The following MBD5 variants were observed in gnomAD, a reference collection of about 807,000 sequenced individuals.
MBD5 encodes methyl-CpG binding domain protein 5.
A neutral mutation model predicts 117.3 loss-of-function variants in MBD5; 13 were observed. The ratio of observed to expected loss-of-function variants is 0.11; its 90% CI spans 0.07 to 0.18. MBD5 has a LOEUF of 0.18. Ranked by LOEUF, MBD5 falls within the 10% of genes least tolerant of loss-of-function variation. The pLI is 1.00. For synonymous variants in MBD5, 727 were observed against 766.4 expected, an observed-to-expected ratio of 0.95 and a Z score of 0.85; for missense variants, 1,879 against 2,093.8, an observed-to-expected ratio of 0.90 and a Z score of 2.00.
intron 1 of MBD5, among the ~76,000 whole-genome samples, chr2:148,091,878 A>C (rs541535288): frequency 6.6e-6 from 1 of 152,212 alleles, no homozygotes; most frequent in African/African-American, 2.4e-5. Context: ...TAAACAGACA[A>C]CCCAAGAGTA....
At chr2:148,383,261 T>C (rs944011097) in intron 4 of MBD5, among the ~76,000 whole-genome samples, 4 of 151,920 alleles carry the variant, frequency 2.6e-5, no homozygotes, top group African/African-American at 9.7e-5. Flanking sequence ...AAATAAAAAA[T>C]GACAAAGGGG....
chr2:148,131,064 G>T lies in MBD5; in HGVS notation c.-924-47636G>T, dbSNP rs1558938499. Among the ~76,000 whole-genome samples the T allele has an allele frequency of 2.6e-5, 4 of 152,078 alleles. No homozygotes were observed. The South Asian group carries it at 8.3e-4, about 32-fold the overall frequency. On this transcript the variant is annotated intron_variant, in intron 1 of 13. Coordinates refer to ENST00000642680, the MANE Select transcript of MBD5 (RefSeq NM_001378120.1). ...ACAGGTTATTCAAAGGGACTTACTT[G>T]TTGCTGTTTTTATAAAGGGGAGTTA...
intron 2 of MBD5, among the ~76,000 whole-genome samples, chr2:148,226,032 A>G (rs1183231962): frequency 3.3e-5 from 5 of 152,136 alleles, no homozygotes; most frequent in African/African-American, 1.2e-4. Flanking sequence ...TCATTTGAGT[A>G]AACTTTCTGC....
chr2:148,290,938 C>T (rs551039876), intron 3 of MBD5, among the ~76,000 whole-genome samples: 2 of 152,146 alleles, frequency 1.3e-5, no homozygotes, highest in African/African-American at 2.4e-5. Flanking sequence ...CTGTCAGGCT[C>T]TTTTCCAAAA....
chr2:148,189,122 G>A lies in MBD5; in HGVS notation c.-831+10329G>A, dbSNP rs568309398. Among the ~76,000 whole-genome samples the A allele has an allele frequency of 1.1e-4, 16 of 145,206 alleles. No homozygotes were observed. In the South Asian group the frequency reaches 3.5e-3, roughly 32 times the overall value. On this transcript the variant is annotated intron_variant, in intron 2 of 13. Transcript: ENST00000642680. The stretch of plus-strand genomic sequence containing the variant: ...GAGGGTCCTACGCCCACGGAATCTC[G>A]CTGATTGCTAGCACAGCAGTCTGAG...
At chr2:148,497,762 G>A (rs975037442) in intron 11 of MBD5, among the ~76,000 whole-genome samples, 6 of 150,856 alleles carry the variant, frequency 4.0e-5, no homozygotes, top group South Asian at 2.1e-4. Flanking sequence ...TCCAGCCTGG[G>A]TGACAGAGTG....
chr2:148,100,499 G>T (rs1174375623), intron 1 of MBD5, among the ~76,000 whole-genome samples: 1 of 152,188 alleles, frequency 6.6e-6, no homozygotes, highest in Admixed American at 6.5e-5. Flanking sequence ...TTCAGACAGG[G>T]CACAGTAGGG....
chr2:148,401,860 T>G (rs10199719), intron 4 of MBD5, among the ~76,000 whole-genome samples: 79,625 of 151,878 alleles, frequency 0.52, 21,098 homozygotes, highest in East Asian at 0.75. Context: ...CTCCAATCTG[T>G]TAGAATTCTT....
chr2:148,345,332 T>TACACATATACATATACAC (rs1703065868), intron 4 of MBD5, among the ~76,000 whole-genome samples: 1 of 147,310 alleles, frequency 6.8e-6, no homozygotes, highest in African/African-American at 2.6e-5. Flanking sequence ...TATATATATG[T>TACACATATACATATACAC]ATATACACAT....
chr2:148,447,272 A>AAGGAAG (rs1559075827), intron 4 of MBD5, among the ~76,000 whole-genome samples: 3 of 147,630 alleles, frequency 2.0e-5, no homozygotes, highest in African/African-American at 7.8e-5. Context: ...AAGGAAGGAA[A>AAGGAAG]GAAAGTAGAG....
At chr2:148,270,294 T>C (rs1265949269) in intron 3 of MBD5, among the ~76,000 whole-genome samples, 1 of 152,144 alleles carries the variant, frequency 6.6e-6, no homozygotes, top group African/African-American at 2.4e-5. Context: ...CAAAGGTGAT[T>C]TTTCTGATAG....
chr2:148,303,231 A>C (rs1435628271), intron 3 of MBD5, among the ~76,000 whole-genome samples: 3 of 152,216 alleles, frequency 2.0e-5, no homozygotes, highest in Non-Finnish European at 4.4e-5. Context: ...GTTAATTAGT[A>C]TATTCAAGCC....
At chr2:148,202,592 T>G (rs749998065) in intron 2 of MBD5, among the ~76,000 whole-genome samples, 78 of 152,188 alleles carry the variant, frequency 5.1e-4, no homozygotes, top group Non-Finnish European at 2.9e-4. Flanking sequence ...AAAATTTAGG[T>G]TTAATTTTAA....
At chr2:148,093,014 T>C (rs571363375) in intron 1 of MBD5, among the ~76,000 whole-genome samples, 1 of 151,604 alleles carries the variant, frequency 6.6e-6, no homozygotes, top group Admixed American at 6.6e-5. Flanking sequence ...GCCTTGAGGG[T>C]TCAAGTGATT....
Position 148,085,917 on chromosome 2 carries a change from G to A in MBD5, c.-925+64233G>A, listed in dbSNP as rs1368578280. On this transcript the variant is annotated intron_variant, in intron 1 of 13. Coordinates refer to ENST00000642680, the MANE Select transcript of MBD5 (RefSeq NM_001378120.1). Reference sequence around the variant, plus strand: ...CTGTTTTATTTATAAGAAAATTTACGTAAATGTATACGTAGTTCACACAGC... The same window carrying A: ...CTGTTTTATTTATAAGAAAATTTACATAAATGTATACGTAGTTCACACAGC... 3.3e-5 allele frequency among the ~76,000 whole-genome samples: 5 copies of A among 152,002 alleles called. 1 individual carries two copies. The highest frequency in any genetic ancestry group is 4.2e-4 in the South Asian group (2 of 4,808).
chr2:148,451,609 A>G (rs1706730628), intron 4 of MBD5, among the ~76,000 whole-genome samples: 1 of 152,202 alleles, frequency 6.6e-6, no homozygotes, highest in Non-Finnish European at 1.5e-5. Context: ...ATCCAATAAA[A>G]TGATAATTAT....
intron 3 of MBD5, among the ~76,000 whole-genome samples, chr2:148,312,999 T>C (rs1247883679): frequency 6.6e-6 from 1 of 152,140 alleles, no homozygotes; most frequent in Non-Finnish European, 1.5e-5. Context: ...ACAGCAAAGA[T>C]TGCTGCCTGT....
At chr2:148,180,492 C>A (rs1698505132) in intron 2 of MBD5, among the ~76,000 whole-genome samples, 1 of 151,584 alleles carries the variant, frequency 6.6e-6, no homozygotes, top group Admixed American at 6.6e-5. Context: ...GTGCATTAAC[C>A]ATGCCGGGCA....
At chr2:148,342,024 T>A (rs952950533) in intron 3 of MBD5, among the ~76,000 whole-genome samples, 190 bp from the exon 4 acceptor site, 4 of 152,010 alleles carry the variant, frequency 2.6e-5, no homozygotes, top group Admixed American at 2.0e-4. Flanking sequence ...TATAGAACAT[T>A]TGCTTTAATT....
Sources: gnomAD v4.1 joint callset for allele counts (sites outside exome capture counted in the v4.1 genomes callset) on GRCh38, gnomAD v4.1.1 for gene constraint, MANE v1.5 for transcripts, NCBI Gene and HGNC (gene_info 2026-07-23, HGNC 2026-07-21) for gene names.